The following RNF144B variants were observed in gnomAD, a reference collection of about 807,000 sequenced individuals.
RNF144B encodes the protein E3 ubiquitin-protein ligase RNF144B.
RNF144B carries 25 observed loss-of-function variants against 40.2 expected under a neutral mutation model. The observed-to-expected ratio is 0.62, with a 90% CI of 0.45 to 0.87. RNF144B has a LOEUF of 0.87. Among genes scored for constraint, RNF144B ranks in the 40% least tolerant of loss-of-function variants. The pLI is 0.00. For synonymous variants in RNF144B, 145 were observed against 136.3 expected (o/e 1.06, Z -0.44); for missense variants, 365 against 373.7 (o/e 0.98, Z 0.19).
At position 18,463,296 on chromosome 6, in the gene RNF144B, C is replaced by A; in HGVS notation, c.687C>A (p.Asp229Glu). 6.3e-7 allele frequency: 1 copy of A among 1,590,118 alleles called. No individual in the cohort carries two copies. The change falls in exon 7 of 8, where the codon GAC becomes GAA. Residue 229 changes from aspartate to glutamate, a missense_variant. Physicochemically the swap from Asp to Glu is conservative, Grantham distance 45 (BLOSUM62 2). Transcript: ENST00000259939. ...TCAATCTTTTTATTTTTCAGAATGACATTTTCCTCAGACATTATGACAAAG... is the reference window on the plus strand; with the variant it reads ...TCAATCTTTTTATTTTTCAGAATGAAATTTTCCTCAGACATTATGACAAAG... ...CWYCLQNLDN[D>E]IFLRHYDKGP...
chr6:18,420,722 C>A (rs1030650896), intron 2 of RNF144B, among the ~76,000 whole-genome samples: 3 of 152,042 alleles, frequency 2.0e-5, no homozygotes, highest in African/African-American at 7.2e-5. Context: ...ATACCACCAG[C>A]CTCACTGCTA....
At chr6:18,428,673 A>G (rs1033403581) in intron 3 of RNF144B, among the ~76,000 whole-genome samples, 4 of 152,312 alleles carry the variant, frequency 2.6e-5, no homozygotes, top group Admixed American at 2.0e-4. Flanking sequence ...TAGCAAACAC[A>G]GAACACCTGC....
intron 2 of RNF144B, among the ~76,000 whole-genome samples, chr6:18,402,764 G>A (rs1461195382): frequency 3.9e-5 from 6 of 152,292 alleles, no homozygotes; most frequent in African/African-American, 1.4e-4. Context: ...AAAGGAATGT[G>A]GTAGATGTTG....
chr6:18,411,227 C>T (rs1343680630), intron 2 of RNF144B, among the ~76,000 whole-genome samples: 1 of 151,622 alleles, frequency 6.6e-6, no homozygotes, highest in Non-Finnish European at 1.5e-5. Context: ...TTATGATCTG[C>T]CTGCCTCGGC....
intron 3 of RNF144B, among the ~76,000 whole-genome samples, chr6:18,432,866 T>G (rs1040299602): frequency 6.6e-6 from 1 of 152,194 alleles, no homozygotes; most frequent in Non-Finnish European, 1.5e-5. Flanking sequence ...TTACTGCTAG[T>G]GCCGCAGTGT....
chr6:18,398,553 T>A lies in RNF144B; in HGVS notation c.-36-946T>A, dbSNP rs1187168488. Reference sequence around the variant, plus strand: ...CCTGGCTAATTTTGTATTTTTGTATTTTTTGTAATTTTGTATTTTTAGTAG... The same window carrying A: ...CCTGGCTAATTTTGTATTTTTGTATATTTTGTAATTTTGTATTTTTAGTAG... On this transcript the variant is annotated intron_variant, in intron 1 of 7. Coordinates refer to ENST00000259939, the MANE Select transcript of RNF144B (RefSeq NM_182757.4). The surrounding 1 kb of genome is among the most constrained non-coding windows in gnomAD (Gnocchi z 5.0). Among the ~76,000 whole-genome samples, 1 of 151,962 alleles carries A rather than the reference T, an allele frequency of 6.6e-6. No homozygotes were observed. Among genetic ancestry groups the A allele is most frequent in the Non-Finnish European group, 1.5e-5 (1 of 67,952 alleles).
In RNF144B at chr6:18,458,264, C is replaced by T. The variant is rs1264301567; in HGVS notation, c.536+905C>T. ...ATACAGAGGGTTTTTATGGCAACAG[C>T]AGTGCCCAGAGTGAGAGACCTCTGT... is the stretch of plus-strand genomic sequence containing the variant. On this transcript the variant is annotated intron_variant, in intron 5 of 7. Transcript: ENST00000259939. The surrounding 1 kb of genome is among the most constrained non-coding windows in gnomAD (Gnocchi z 4.8). Among the ~76,000 whole-genome samples, 1 of 152,170 alleles carries T rather than the reference C, an allele frequency of 6.6e-6. No individual in the cohort carries two copies. Among genetic ancestry groups the T allele is most frequent in the African/African-American group, 2.4e-5 (1 of 41,444 alleles).
chr6:18,439,467 C>T (rs796299771), intron 3 of RNF144B, among the ~76,000 whole-genome samples: 8 of 152,100 alleles, frequency 5.3e-5, no homozygotes, highest in African/African-American at 1.4e-4. Context: ...TGTAACTGCT[C>T]CCTTCAGCAG....
rs1795188852 is a variant in RNF144B, at chr6:18,418,457, G to A, written c.166-9124G>A. On this transcript the variant is annotated intron_variant, in intron 2 of 7. Coordinates refer to ENST00000259939, the MANE Select transcript of RNF144B (RefSeq NM_182757.4). This position sits in a 1 kb window ranked among gnomAD's most constrained non-coding sequence, Gnocchi z 5.2. ...TCTTGAAAACATTATGCTAAGTGAA[G>A]CCATTGACAAAGGACCATATATTGT... Among the ~76,000 whole-genome samples, 1 of 152,160 alleles carries A rather than the reference G, an allele frequency of 6.6e-6. No homozygotes were observed. The highest frequency in any genetic ancestry group is 2.4e-5 in the African/African-American group (1 of 41,430).
chr6:18,396,945 C>T (rs1794705248), intron 1 of RNF144B: 1 of 352,670 alleles, frequency 2.8e-6, no homozygotes, highest in Non-Finnish European at 4.0e-6. Flanking sequence ...GACAGCTCCT[C>T]AGTAGTTAAT....
At chr6:18,438,583 ATTAT>A (rs1758879343) in intron 3 of RNF144B, among the ~76,000 whole-genome samples, 1 of 152,186 alleles carries the variant, frequency 6.6e-6, no homozygotes, top group African/African-American at 2.4e-5. Context: ...ACAACTTGAG[ATTAT>A]TTATAAGGGA....
chr6:18,423,477 T>A (rs1036668519), intron 2 of RNF144B, among the ~76,000 whole-genome samples: 1 of 152,220 alleles, frequency 6.6e-6, no homozygotes, highest in Non-Finnish European at 1.5e-5. Flanking sequence ...CTTGGGTAGG[T>A]ACATAGTAGC....
rs565916375 is a variant in RNF144B at position 18,410,031 on chromosome 6, T to C, written c.165+10332T>C. On this transcript the variant is annotated intron_variant, in intron 2 of 7. Transcript: ENST00000259939. This position sits in a 1 kb window ranked among gnomAD's most constrained non-coding sequence, Gnocchi z 4.6. ...ATCTGTGCTTGTATGTTGTGTAGAC[T>C]TTTCCCCCCTTAAGCATGCCTTTGC... Among the ~76,000 whole-genome samples, 4 of 152,252 alleles carry C rather than the reference T, an allele frequency of 2.6e-5. No homozygotes were observed. The East Asian group carries it at 5.8e-4, about 22-fold the overall frequency.
intron 1 of RNF144B, among the ~76,000 whole-genome samples, chr6:18,388,002 A>G (rs1295293486): frequency 1.3e-5 from 2 of 152,294 alleles, no homozygotes; most frequent in Non-Finnish European, 2.9e-5. Context: ...GAAACAGTGA[A>G]ACTCTGATAC....
chr6:18,463,474 AG>A (rs1759513347), intron 7 of RNF144B, 94 bp downstream of exon 7: 1 of 780,762 alleles, frequency 1.3e-6, no homozygotes, highest in Non-Finnish European at 2.2e-6. Context: ...CCCTCCTGGG[AG>A]GTACCATCCC....
At chr6:18,399,375 T>C (rs940136845) in intron 1 of RNF144B, 124 bp from the exon 2 acceptor site, 1 of 673,772 alleles carries the variant, frequency 1.5e-6, no homozygotes, top group African/African-American at 1.8e-5. Context: ...TTCCCAGAAA[T>C]GCATTAGCTG....
intron 4 of RNF144B, among the ~76,000 whole-genome samples, chr6:18,454,969 CTT>C (rs1007837136): frequency 6.6e-6 from 1 of 152,134 alleles, no homozygotes; most frequent in Non-Finnish European, 1.5e-5. Flanking sequence ...TTTCATCAAA[CTT>C]TTAAAAGATC....
At chr6:18,461,835 G>A (rs1048852548) in intron 6 of RNF144B, among the ~76,000 whole-genome samples, 4 of 152,106 alleles carry the variant, frequency 2.6e-5, no homozygotes, top group Non-Finnish European at 4.4e-5. Flanking sequence ...CAGGAGAGGG[G>A]TGATTGTCTA....
At chr6:18,399,367 C>T (rs1794753087) in intron 1 of RNF144B, 132 bp from the exon 2 acceptor site, 2 of 650,640 alleles carry the variant, frequency 3.1e-6, no homozygotes, top group South Asian at 2.1e-5. Flanking sequence ...GCCCGTCGTT[C>T]CCAGAAATGC....
Sources: allele counts gnomAD v4.1 joint callset (sites outside exome capture counted in the v4.1 genomes callset), GRCh38; gene constraint gnomAD v4.1.1; non-coding constraint Gnocchi (gnomAD v3.1); transcripts MANE v1.5; gene names NCBI Gene and HGNC (gene_info 2026-07-23, HGNC 2026-07-21).